KHDRBS2: variants seen among roughly 807,000 people sequenced by gnomAD.
The protein encoded by KHDRBS2 is KH domain-containing, RNA-binding, signal transduction-associated protein 2.
A neutral mutation model predicts 44.3 loss-of-function variants in KHDRBS2; 26 were observed. The observed-to-expected ratio is 0.59, with a 90% CI of 0.43 to 0.81. The LOEUF (loss-of-function observed/expected upper bound fraction) is 0.81, where lower values mean the gene tolerates loss of function less well. Among genes scored for constraint, KHDRBS2 ranks in the 40% least tolerant of loss-of-function variants. KHDRBS2 has a pLI of 0.00. For synonymous variants in KHDRBS2, 194 were observed against 151.1 expected (o/e 1.28, Z -2.08); for missense variants, 476 against 433.1 (o/e 1.10, Z -0.88).
At chr6:62,169,361 A>G (rs1388652432) in intron 2 of KHDRBS2, among the ~76,000 whole-genome samples, 1 of 151,850 alleles carries the variant, frequency 6.6e-6, no homozygotes, top group Non-Finnish European at 1.5e-5. Context: ...GAACATATTG[A>G]CAAATGTTGC....
At chr6:62,059,891 A>G (rs1245251626) in intron 2 of KHDRBS2, among the ~76,000 whole-genome samples, 4 of 151,876 alleles carry the variant, frequency 2.6e-5, no homozygotes, top group Non-Finnish European at 5.9e-5. Flanking sequence ...AAAACAAGGG[A>G]AAACTTTTTA....
chr6:61,676,074 C>T (rs932733063), downstream of KHDRBS2, among the ~76,000 whole-genome samples: 1 of 151,718 alleles, frequency 6.6e-6, no homozygotes, highest in African/African-American at 2.4e-5. Context: ...CATATGGGAC[C>T]AGCATTGTTT....
chr6:62,080,405 C>T (rs1797168335), intron 2 of KHDRBS2, among the ~76,000 whole-genome samples: 1 of 151,964 alleles, frequency 6.6e-6, no homozygotes, highest in East Asian at 1.9e-4. Flanking sequence ...GTCATTTTTT[C>T]CATTAGAAAT....
chr6:62,026,831 G>T (rs1783433427), intron 3 of KHDRBS2, among the ~76,000 whole-genome samples: 1 of 152,060 alleles, frequency 6.6e-6, no homozygotes, highest in African/African-American at 2.4e-5. Flanking sequence ...CATTGGTGAG[G>T]TAGCCCGATT....
chr6:61,959,017 C>A (rs1453418358), intron 4 of KHDRBS2, among the ~76,000 whole-genome samples: 48 of 152,196 alleles, frequency 3.2e-4, no homozygotes, highest in Admixed American at 3.0e-3. Context: ...ACAACCTCAA[C>A]TGGTGTCACT....
intron 1 of KHDRBS2, among the ~76,000 whole-genome samples, chr6:62,204,380 G>A (rs1827590850): frequency 6.6e-6 from 1 of 152,136 alleles, no homozygotes; most frequent in Non-Finnish European, 1.5e-5. Flanking sequence ...ATGCAATGAG[G>A]TAAACTGGAT....
Position 62,000,144 on chromosome 6 carries a change from C to T in KHDRBS2, c.337-21932G>A, listed in dbSNP as rs139480786. Among the ~76,000 whole-genome samples the T allele has an allele frequency of 5.9e-5, 9 of 152,138 alleles. No homozygotes were observed. The East Asian group carries it at 7.8e-4, about 13-fold the overall frequency. On this transcript the variant is annotated intron_variant, in intron 3 of 8. Transcript: ENST00000281156. ...GTGAGTGTGTGTGTGTGTGTGTATG[C>T]ACATGCACACATGTGTTTGCTGGAT...
the KHDRBS2 span, among the ~76,000 whole-genome samples, chr6:61,633,768 A>G: frequency 2.7e-5 from 4 of 150,496 alleles, no homozygotes; most frequent in Admixed American, 2.0e-4. Context: ...TTCTTTATTA[A>G]AAGAGTATAT....
intron 6 of KHDRBS2, among the ~76,000 whole-genome samples, chr6:61,819,935 C>T (rs562930712): frequency 6.6e-6 from 1 of 152,100 alleles, no homozygotes; most frequent in East Asian, 1.9e-4. Flanking sequence ...GTGAAGTTCT[C>T]AACAATAAAA....
chr6:62,237,391 A>G (rs1833874873), intron 1 of KHDRBS2, among the ~76,000 whole-genome samples: 1 of 152,156 alleles, frequency 6.6e-6, no homozygotes, highest in African/African-American at 2.4e-5. Context: ...CTAAACTCAA[A>G]AACAATTAAT....
chr6:61,934,119 T>C (rs1231546702), intron 4 of KHDRBS2, among the ~76,000 whole-genome samples: 2 of 152,182 alleles, frequency 1.3e-5, no homozygotes, highest in Non-Finnish European at 2.9e-5. Flanking sequence ...TTCAGGTCTT[T>C]TGCCCATTTT....
At chr6:62,152,357 C>T (rs142089470) in intron 2 of KHDRBS2, among the ~76,000 whole-genome samples, 9 of 152,144 alleles carry the variant, frequency 5.9e-5, no homozygotes, top group African/African-American at 1.4e-4. Flanking sequence ...ATACTTACCA[C>T]ATGGGGTTTG....
intron 2 of KHDRBS2, among the ~76,000 whole-genome samples, chr6:62,158,659 C>A (rs368538058): frequency 3.3e-5 from 5 of 152,072 alleles, no homozygotes; most frequent in Admixed American, 3.3e-4. Context: ...ACAAAGACAT[C>A]CATATAAATT....
intron 2 of KHDRBS2, among the ~76,000 whole-genome samples, chr6:62,055,568 A>G (rs1205553882): frequency 2.0e-5 from 3 of 152,008 alleles, no homozygotes; most frequent in African/African-American, 7.2e-5. Context: ...TCATTCCTAG[A>G]TATATCATCC....
intron 6 of KHDRBS2, among the ~76,000 whole-genome samples, chr6:61,777,251 C>A (rs58721045): frequency 0.18 from 27,763 of 151,984 alleles, 2,656 homozygotes; most frequent in Non-Finnish European, 0.2. Context: ...AACAAACCTG[C>A]ACGTTGTGCA....
At chr6:61,918,734 T>C (rs1157204522) in intron 4 of KHDRBS2, among the ~76,000 whole-genome samples, 1 of 151,922 alleles carries the variant, frequency 6.6e-6, no homozygotes, top group Non-Finnish European at 1.5e-5. Context: ...AAAGAAGAGG[T>C]AATCAAAGAA....
chr6:62,208,847 G>A lies in KHDRBS2; in HGVS notation c.92-31535C>T, dbSNP rs536673000. Among the ~76,000 whole-genome samples, 51 of 152,240 alleles carry A rather than the reference G, an allele frequency of 3.3e-4. No individual in the cohort carries two copies. The South Asian group carries it at 6.6e-3, about 20-fold the overall frequency. Reference sequence around the variant, plus strand: ...CTGATGATTAGTGACGTTGAGAACCGTTTCATAGATATTGGCCATCTGCAT... The same window carrying A: ...CTGATGATTAGTGACGTTGAGAACCATTTCATAGATATTGGCCATCTGCAT... On this transcript the variant is annotated intron_variant, in intron 1 of 8. Coordinates refer to ENST00000281156, the MANE Select transcript of KHDRBS2 (RefSeq NM_152688.4).
the KHDRBS2 span, among the ~76,000 whole-genome samples, chr6:61,638,192 T>C: frequency 6.6e-6 from 1 of 152,034 alleles, no homozygotes; most frequent in African/African-American, 2.4e-5. Flanking sequence ...AGAGCCCGCA[T>C]CACCAAGTCA....
At chr6:62,258,919 G>T (rs1322489988) in intron 1 of KHDRBS2, among the ~76,000 whole-genome samples, 1 of 152,014 alleles carries the variant, frequency 6.6e-6, no homozygotes, top group Non-Finnish European at 1.5e-5. Flanking sequence ...CCCAGTGATG[G>T]TACAGAAATA....
Sources: gnomAD v4.1 joint callset for allele counts (sites outside exome capture counted in the v4.1 genomes callset) on GRCh38, gnomAD v4.1.1 for gene constraint, MANE v1.5 for transcripts, NCBI Gene and HGNC (gene_info 2026-07-23, HGNC 2026-07-21) for gene names.